ELP4: variants seen among roughly 807,000 people sequenced by gnomAD.
ELP4 encodes elongator acetyltransferase complex subunit 4.
In ELP4, 51 loss-of-function variants were observed where a neutral mutation model predicts 48.9. The observed-to-expected ratio is 1.04, with a 90% confidence interval of 0.83 to 1.32. The LOEUF is 1.32. Ranked by LOEUF, ELP4 falls within the 40% of genes most tolerant of loss-of-function variation. The pLI is 0.00. For synonymous variants in ELP4, 210 were observed against 189.2 expected (o/e 1.11, Z -0.90); for missense variants, 519 against 514.6 (o/e 1.01, Z -0.08).
chr11:31,517,217 T>C (rs1956131022), intron 1 of ELP4, among the ~76,000 whole-genome samples: 1 of 151,902 alleles, frequency 6.6e-6, no homozygotes, highest in South Asian at 2.1e-4. Flanking sequence ...AGAGTCTTGC[T>C]ATGTGGCCCA....
chr11:31,565,878 A>G (rs1048838332), intron 3 of ELP4, among the ~76,000 whole-genome samples: 2 of 152,104 alleles, frequency 1.3e-5, no homozygotes, highest in African/African-American at 4.8e-5. Flanking sequence ...TTCCATATGA[A>G]CTGTAAAGTA....
At chr11:31,641,278 T>C (rs549722538) in intron 7 of ELP4, among the ~76,000 whole-genome samples, 14 of 152,046 alleles carry the variant, frequency 9.2e-5, no homozygotes, top group African/African-American at 3.1e-4. Context: ...CATTTCTATA[T>C]TATTTCATTA....
intron 9 of ELP4, among the ~76,000 whole-genome samples, chr11:31,660,997 T>C (rs1246249423): frequency 1.3e-5 from 2 of 152,096 alleles, no homozygotes; most frequent in African/African-American, 4.8e-5. Context: ...ACTTAGATTT[T>C]ACATGTTATG....
At chr11:31,518,062 T>C (rs931140317) in intron 1 of ELP4, among the ~76,000 whole-genome samples, 1 of 152,186 alleles carries the variant, frequency 6.6e-6, no homozygotes, top group Non-Finnish European at 1.5e-5. Flanking sequence ...AAAGTATAAG[T>C]ACTCAAATGT....
chr11:31,729,839 C>T (rs1947146917), intron 9 of ELP4, among the ~76,000 whole-genome samples: 1 of 152,198 alleles, frequency 6.6e-6, no homozygotes, highest in Non-Finnish European at 1.5e-5. Context: ...GCCACATTGA[C>T]TACAGCACCA....
At chr11:31,685,594 T>G (rs1383380400) in intron 9 of ELP4, among the ~76,000 whole-genome samples, 3 of 152,134 alleles carry the variant, frequency 2.0e-5, no homozygotes, top group Non-Finnish European at 4.4e-5. Flanking sequence ...TGAAGACATA[T>G]GAAATGCAGA....
At chr11:31,678,876 A>G (rs570714076) in intron 9 of ELP4, among the ~76,000 whole-genome samples, 14 of 152,308 alleles carry the variant, frequency 9.2e-5, no homozygotes, top group African/African-American at 3.1e-4. Context: ...TCCCACCAGC[A>G]ATGAATGAGA....
chr11:31,588,108 TA>T (rs1453699167), intron 3 of ELP4, among the ~76,000 whole-genome samples: 4 of 152,324 alleles, frequency 2.6e-5, no homozygotes, highest in Non-Finnish European at 4.4e-5. Flanking sequence ...TCATATTGTT[TA>T]TGTTATACTC....
intron 3 of ELP4, among the ~76,000 whole-genome samples, chr11:31,567,747 A>G (rs1286924645): frequency 6.6e-6 from 1 of 152,246 alleles, no homozygotes; most frequent in Non-Finnish European, 1.5e-5. Context: ...TGTTGATACT[A>G]TACCATAGTC....
At chr11:31,708,126 CAGTCTTCTTGGACAT>C (rs1341449246) in intron 9 of ELP4, among the ~76,000 whole-genome samples, 4 of 152,150 alleles carry the variant, frequency 2.6e-5, no homozygotes, top group Non-Finnish European at 5.9e-5. Context: ...CTTTGCCATT[CAGTCTTCTTGGACAT>C]GTAACTCTTT....
chr11:31,680,644 A>G (rs181717241), intron 9 of ELP4, among the ~76,000 whole-genome samples: 90 of 152,334 alleles, frequency 5.9e-4, no homozygotes, highest in Non-Finnish European at 7.8e-4. Context: ...CGGTTTGACA[A>G]TTAAAATATG....
chr11:31,591,874 T>A (rs1957584436), intron 3 of ELP4, among the ~76,000 whole-genome samples: 1 of 152,096 alleles, frequency 6.6e-6, no homozygotes, highest in Non-Finnish European at 1.5e-5. Context: ...AGGTGATGAG[T>A]AGTTAATGTG....
intron 9 of ELP4, among the ~76,000 whole-genome samples, chr11:31,773,224 A>G (rs1592299430): frequency 6.6e-6 from 1 of 152,250 alleles, no homozygotes; most frequent in Non-Finnish European, 1.5e-5. Context: ...TTGGTTCCAC[A>G]TGCAAGTAAT....
At chr11:31,611,409 A>G (rs1957976583) in intron 5 of ELP4, among the ~76,000 whole-genome samples, 1 of 152,014 alleles carries the variant, frequency 6.6e-6, no homozygotes, top group Non-Finnish European at 1.5e-5. Context: ...TCTGCATCAA[A>G]CTCTCCAATG....
At chr11:31,733,033 G>A (rs117705967) in intron 9 of ELP4, among the ~76,000 whole-genome samples, 1,564 of 152,160 alleles carry the variant, frequency 0.01, 13 homozygotes, top group Middle Eastern at 0.037. Context: ...GGAAACAGAG[G>A]ACTTGAACAA....
At chr11:31,563,268 G>T (rs561029717) in intron 3 of ELP4, among the ~76,000 whole-genome samples, 104 of 152,250 alleles carry the variant, frequency 6.8e-4, no homozygotes, top group African/African-American at 2.1e-3. Context: ...CATAGTTGGT[G>T]TAATGCATTG....
At chr11:31,748,513 G>C (rs916396067) in intron 9 of ELP4, among the ~76,000 whole-genome samples, 6 of 151,884 alleles carry the variant, frequency 4.0e-5, no homozygotes, top group Non-Finnish European at 8.8e-5. Context: ...CCAAAGTGCT[G>C]GGATTACAGG....
At chr11:31,698,862 A>G (rs988466123) in intron 9 of ELP4, among the ~76,000 whole-genome samples, 1 of 152,346 alleles carries the variant, frequency 6.6e-6, no homozygotes, top group Non-Finnish European at 1.5e-5. Flanking sequence ...AGAGATTAAC[A>G]TCAAAATACA....
At chr11:31,647,406 T>A (rs909945913) in intron 7 of ELP4, 1 of 197,876 alleles carries the variant, frequency 5.1e-6, no homozygotes, top group South Asian at 9.2e-5. Flanking sequence ...AAAATAATCA[T>A]GTATGAGAAT....
Sources: allele counts gnomAD v4.1 joint callset (sites outside exome capture counted in the v4.1 genomes callset), GRCh38; gene constraint gnomAD v4.1.1; transcripts MANE v1.5; gene names NCBI Gene and HGNC (gene_info 2026-07-23, HGNC 2026-07-21).